ZC3H12C: variants seen among roughly 807,000 people sequenced by gnomAD.
The protein encoded by ZC3H12C is probable ribonuclease ZC3H12C.
In ZC3H12C, 20 loss-of-function variants were observed where a neutral mutation model predicts 76.3. That is an observed-to-expected ratio of 0.26 (90% CI 0.18 to 0.38). The LOEUF (loss-of-function observed/expected upper bound fraction) is 0.38, where lower values mean the gene tolerates loss of function less well. Among genes scored for constraint, ZC3H12C ranks in the 10% least tolerant of loss-of-function variants. The pLI, the probability that ZC3H12C is intolerant of heterozygous loss-of-function variation, is 1.00. For synonymous variants in ZC3H12C, 352 were observed against 399.6 expected (o/e 0.88, Z 1.42); for missense variants, 874 against 1,086.5 (o/e 0.80, Z 2.75).
chr11:110,117,045 G>C (rs576405808), intron 1 of ZC3H12C, among the ~76,000 whole-genome samples: 17 of 152,196 alleles, frequency 1.1e-4, no homozygotes, highest in Admixed American at 2.6e-4. Context: ...CCCTTTATAG[G>C]AACAAGTGGT....
intron 2 of ZC3H12C, among the ~76,000 whole-genome samples, chr11:110,138,323 C>G (rs894553415): frequency 6.6e-6 from 1 of 152,032 alleles, no homozygotes; most frequent in African/African-American, 2.4e-5. Flanking sequence ...TGATGCCTAC[C>G]AGAGAATCAT....
intron 1 of ZC3H12C, among the ~76,000 whole-genome samples, chr11:110,096,758 T>C (rs1861120506): frequency 6.6e-6 from 1 of 152,236 alleles, no homozygotes; most frequent in South Asian, 2.1e-4. Flanking sequence ...ACGAGAAGCC[T>C]TTCCTCTGCA....
chr11:110,144,893 A>G (rs1222648147), intron 2 of ZC3H12C, among the ~76,000 whole-genome samples: 1 of 152,192 alleles, frequency 6.6e-6, no homozygotes, highest in Non-Finnish European at 1.5e-5. Flanking sequence ...GGAAGGTAAC[A>G]GTTATAATTC....
chr11:110,133,752 A>G (rs1339639936), intron 1 of ZC3H12C, among the ~76,000 whole-genome samples: 1 of 152,184 alleles, frequency 6.6e-6, no homozygotes. Flanking sequence ...ATATAATAAA[A>G]TTACATGGTA....
At chr11:110,133,518 G>A (rs1325126796) in intron 1 of ZC3H12C, among the ~76,000 whole-genome samples, 2 of 152,148 alleles carry the variant, frequency 1.3e-5, no homozygotes, top group Admixed American at 6.6e-5. Flanking sequence ...AAAACTGGAT[G>A]TTAATTTCTT....
chr11:110,138,288 T>A (rs1308094946), intron 2 of ZC3H12C, among the ~76,000 whole-genome samples: 1 of 152,136 alleles, frequency 6.6e-6, no homozygotes, highest in Non-Finnish European at 1.5e-5. Context: ...GAGTTTCATA[T>A]GCAGTTTCTC....
intron 3 of ZC3H12C, among the ~76,000 whole-genome samples, chr11:110,154,014 A>C (rs1220382268): frequency 6.6e-6 from 1 of 152,228 alleles, no homozygotes; most frequent in Non-Finnish European, 1.5e-5. Context: ...AGACAACTGT[A>C]AAACATTTTA....
At chr11:110,093,557 A>C in intron 1 of ZC3H12C, 125 bp downstream of exon 1, 1 of 662,730 alleles carries the variant, frequency 1.5e-6, no homozygotes, top group Non-Finnish European at 2.0e-6. Context: ...GGCCGCAGCG[A>C]CCTCGCCGTG....
At position 110,165,405 on chromosome 11, in the gene ZC3H12C, C is replaced by G. The variant is rs1268237995; in HGVS notation, c.2320C>G (p.Leu774Val). 6.2e-7 allele frequency: 1 copy of G among 1,614,000 alleles called. No homozygotes were observed. Among genetic ancestry groups the G allele is most frequent in the East Asian group, 2.2e-5 (1 of 44,876 alleles). ...QRKPYSRQEG[L>V]GSWERPGYGI... is the part of the protein sequence containing the mutation. ...AAAGCCTTATTCCCGCCAGGAAGGCCTGGGAAGCTGGGAGAGGCCAGGCTA... is the reference window on the plus strand; with the variant it reads ...AAAGCCTTATTCCCGCCAGGAAGGCGTGGGAAGCTGGGAGAGGCCAGGCTA... The change falls in exon 6 of 6, where the codon CTG becomes GTG. Residue 774 changes from leucine to valine, a missense_variant. Transcript: ENST00000278590.
At chr11:110,121,908 A>G (rs893639661) in intron 1 of ZC3H12C, among the ~76,000 whole-genome samples, 2 of 152,118 alleles carry the variant, frequency 1.3e-5, no homozygotes, top group African/African-American at 4.8e-5. Flanking sequence ...AAGCATGGTA[A>G]TATGTTGTTT....
At chr11:110,112,377 G>A (rs1271055139) in intron 1 of ZC3H12C, among the ~76,000 whole-genome samples, 1 of 152,124 alleles carries the variant, frequency 6.6e-6, no homozygotes, top group African/African-American at 2.4e-5. Context: ...TTTTTGTAGA[G>A]ATGGGATTTT....
intron 1 of ZC3H12C, among the ~76,000 whole-genome samples, chr11:110,106,815 A>G (rs553389613): frequency 1.1e-4 from 17 of 152,312 alleles, no homozygotes; most frequent in African/African-American, 4.1e-4. Flanking sequence ...TAGTTCCAAC[A>G]CTTTTCAGTT....
intron 1 of ZC3H12C, among the ~76,000 whole-genome samples, chr11:110,118,294 A>G (rs1047952677): frequency 2.6e-5 from 4 of 151,756 alleles, no homozygotes; most frequent in African/African-American, 9.7e-5. Flanking sequence ...TTATATTATT[A>G]TATACACCTG....
At chr11:110,163,513 A>G (rs1296840016) in intron 5 of ZC3H12C, 134 bp downstream of exon 5, 3 of 612,952 alleles carry the variant, frequency 4.9e-6, no homozygotes, top group African/African-American at 1.9e-5. Context: ...TAAATTTCAG[A>G]AAACGTCTTA....
At chr11:110,139,527 T>C (rs958306717) in intron 2 of ZC3H12C, among the ~76,000 whole-genome samples, 2 of 152,204 alleles carry the variant, frequency 1.3e-5, no homozygotes, top group African/African-American at 4.8e-5. Flanking sequence ...TCGCCAAGTG[T>C]CATAGAGGTA....
chr11:110,144,740 A>G (rs992100647), intron 2 of ZC3H12C, among the ~76,000 whole-genome samples: 4 of 152,182 alleles, frequency 2.6e-5, no homozygotes, highest in South Asian at 4.1e-4. Flanking sequence ...TGAGGAAATA[A>G]AAAGATAACT....
intron 1 of ZC3H12C, among the ~76,000 whole-genome samples, chr11:110,098,131 AC>A (rs1861147477): frequency 6.6e-6 from 1 of 152,128 alleles, no homozygotes; most frequent in African/African-American, 2.4e-5. Context: ...GCCCCTGAAG[AC>A]CTTCCAGTGG....
chr11:110,119,753 G>A (rs536226650), intron 1 of ZC3H12C, among the ~76,000 whole-genome samples: 42 of 152,338 alleles, frequency 2.8e-4, no homozygotes, highest in African/African-American at 1.0e-3. Flanking sequence ...TTCCTCATCA[G>A]TGGGGTCTTG....
At chr11:110,107,523 C>CT (rs542002464) in intron 1 of ZC3H12C, among the ~76,000 whole-genome samples, 91 of 150,380 alleles carry the variant, frequency 6.1e-4, no homozygotes, top group South Asian at 4.3e-3. Flanking sequence ...CTAATTTTTC[C>CT]TTTTTTTTTG....
Sources: allele counts gnomAD v4.1 joint callset (sites outside exome capture counted in the v4.1 genomes callset), GRCh38; gene constraint gnomAD v4.1.1; transcripts MANE v1.5; gene names NCBI Gene and HGNC (gene_info 2026-07-23, HGNC 2026-07-21).